Variants in BRAF observed in about 807,000 individuals in gnomAD.
The protein encoded by BRAF is serine/threonine-protein kinase B-raf.
BRAF carries 16 observed loss-of-function variants against 104.6 expected under a neutral mutation model. That is an observed-to-expected ratio of 0.15 (90% CI 0.10 to 0.23). BRAF has a LOEUF of 0.23. Ranked by LOEUF, BRAF falls within the 10% of genes least tolerant of loss-of-function variation. The probability of loss-of-function intolerance (pLI) is 1.00; values close to 1 mark genes in which losing one functional copy is unlikely to be tolerated. For missense variants in BRAF, 541 were observed against 937.3 expected (o/e 0.58, Z 5.52); for synonymous variants, 310 against 341.6 (o/e 0.91, Z 1.02).
At chr7:140,838,079 C>G (rs983860738) in intron 2 of BRAF, among the ~76,000 whole-genome samples, 17 of 152,144 alleles carry the variant, frequency 1.1e-4, no homozygotes, top group African/African-American at 4.1e-4. Context: ...ACCACCATTT[C>G]TTTTGGTTAT....
chr7:140,771,394 C>T (rs1265603091), intron 14 of BRAF, among the ~76,000 whole-genome samples: 1 of 152,092 alleles, frequency 6.6e-6, no homozygotes, highest in Admixed American at 6.6e-5. Context: ...CGGGGTTTTG[C>T]CGTTGCCCAG....
chr7:140,837,876 C>T (rs932514131), intron 2 of BRAF, among the ~76,000 whole-genome samples: 5 of 152,168 alleles, frequency 3.3e-5, no homozygotes, highest in Non-Finnish European at 7.4e-5. Flanking sequence ...TCTTTATCTA[C>T]AAAATTCTCC....
At chr7:140,783,316 T>G (rs1470462221) in intron 10 of BRAF, 159 bp from the exon 10 acceptor site, 2 of 798,258 alleles carry the variant, frequency 2.5e-6, no homozygotes, top group Non-Finnish European at 3.9e-6. Context: ...GGGCCTCATT[T>G]GGTGATTACA....
chr7:140,716,931 C>T (rs555946731), downstream of BRAF, among the ~76,000 whole-genome samples: 41 of 152,282 alleles, frequency 2.7e-4, 1 homozygote, highest in African/African-American at 9.6e-4. Context: ...GTGGGAAACA[C>T]CAACGTGCAG....
chr7:140,854,873 A>G (rs1809600393), intron 1 of BRAF, among the ~76,000 whole-genome samples: 1 of 152,182 alleles, frequency 6.6e-6, no homozygotes, highest in Non-Finnish European at 1.5e-5. Flanking sequence ...GGAACCCAGG[A>G]GGCGGAGGTT....
chr7:140,714,345 C>T (rs866202023), downstream of BRAF, among the ~76,000 whole-genome samples: 3 of 152,148 alleles, frequency 2.0e-5, no homozygotes, highest in Non-Finnish European at 4.4e-5. Flanking sequence ...GGACAGAATT[C>T]TCCTCTACCC....
At chr7:140,784,413 C>T (rs1308007083) in intron 10 of BRAF, among the ~76,000 whole-genome samples, 1 of 152,098 alleles carries the variant, frequency 6.6e-6, no homozygotes, top group African/African-American at 2.4e-5. Flanking sequence ...CTTGACCAGG[C>T]TTCACGGTTA....
At chr7:140,789,511 G>T (rs527525514) in intron 8 of BRAF, among the ~76,000 whole-genome samples, 1 of 151,974 alleles carries the variant, frequency 6.6e-6, no homozygotes, top group Admixed American at 6.6e-5. Flanking sequence ...AATCAAATAC[G>T]TACCTGAAAA....
chr7:140,752,499 T>C (rs1442348678), intron 16 of BRAF, among the ~76,000 whole-genome samples: 2 of 152,202 alleles, frequency 1.3e-5, no homozygotes, highest in South Asian at 4.1e-4. Context: ...GGGACCCTTT[T>C]AAGAATGCTG....
chr7:140,781,847 T>A (rs1800908285), intron 11 of BRAF, among the ~76,000 whole-genome samples, 154 bp from the exon 11 acceptor site: 1 of 152,210 alleles, frequency 6.6e-6, no homozygotes, highest in Non-Finnish European at 1.5e-5. Context: ...AAAGTATGAC[T>A]CTTAAAATAC....
chr7:140,879,633 G>T (rs1011629014), intron 1 of BRAF, among the ~76,000 whole-genome samples: 2 of 151,304 alleles, frequency 1.3e-5, no homozygotes, highest in African/African-American at 2.4e-5. Context: ...CCTTCAAGGA[G>T]TCATCATTTT....
intron 12 of BRAF, chr7:140,779,685 C>G (rs1411949455): frequency 6.6e-6 from 1 of 152,222 alleles, no homozygotes; most frequent in African/African-American, 2.4e-5. Flanking sequence ...GTAATCCCAG[C>G]ACTTTGGAAG....
chr7:140,869,636 CAA>C (rs56186470), intron 1 of BRAF, among the ~76,000 whole-genome samples: 9 of 94,362 alleles, frequency 9.5e-5, no homozygotes, highest in Admixed American at 1.1e-4. Flanking sequence ...CTGTCTCAAA[CAA>C]AAAAAAAAAA....
chr7:140,812,003 G>C (rs150420100), intron 3 of BRAF, among the ~76,000 whole-genome samples: 6 of 152,248 alleles, frequency 3.9e-5, no homozygotes, highest in African/African-American at 1.2e-4. Context: ...ACTGGTGACC[G>C]ATCTTTAGTT....
chr7:140,823,254 C>T (rs1267454262), intron 3 of BRAF, among the ~76,000 whole-genome samples: 3 of 152,118 alleles, frequency 2.0e-5, no homozygotes, highest in Non-Finnish European at 4.4e-5. Context: ...CAATGTTGTG[C>T]AACCAATCTC....
At chr7:140,914,757 C>G (rs1817391357) in intron 1 of BRAF, among the ~76,000 whole-genome samples, 1 of 151,832 alleles carries the variant, frequency 6.6e-6, no homozygotes, top group Admixed American at 6.6e-5. Flanking sequence ...TAAAAATAAT[C>G]AGCCAGGCAC....
At chr7:140,853,189 G>A (rs1562996066) in intron 1 of BRAF, among the ~76,000 whole-genome samples, 1 of 150,090 alleles carries the variant, frequency 6.7e-6, no homozygotes, top group South Asian at 2.1e-4. Context: ...CGGGAGGATC[G>A]CAACATAGTA....
intron 1 of BRAF, among the ~76,000 whole-genome samples, chr7:140,861,037 A>G (rs193101149): frequency 6.6e-6 from 1 of 152,226 alleles, no homozygotes; most frequent in African/African-American, 2.4e-5. Context: ...TCTCAAAAAC[A>G]TAATATTGAT....
chr7:140,716,607 C>T (rs1007808580), downstream of BRAF, among the ~76,000 whole-genome samples: 1 of 152,196 alleles, frequency 6.6e-6, no homozygotes, highest in African/African-American at 2.4e-5. Context: ...GTATCTGTTC[C>T]TCTCTTCCTG....
Sources: allele counts gnomAD v4.1 joint callset (sites outside exome capture counted in the v4.1 genomes callset), GRCh38; gene constraint gnomAD v4.1.1; transcripts MANE v1.5; gene names NCBI Gene and HGNC (gene_info 2026-07-23, HGNC 2026-07-21).